Variants in JAZF1 observed in about 807,000 individuals in gnomAD.
JAZF1 encodes the protein JAZF zinc finger 1, also known as juxtaposed with another zinc finger protein 1.
In JAZF1, 8 loss-of-function variants were observed where a neutral mutation model predicts 26.4. That is an observed-to-expected ratio of 0.30 (90% CI 0.18 to 0.55). The LOEUF (loss-of-function observed/expected upper bound fraction) is 0.55. JAZF1 is among the 20% of genes least tolerant of loss of function. The pLI, the probability that JAZF1 is intolerant of heterozygous loss-of-function variation, is 0.94. For synonymous variants in JAZF1, 126 were observed against 122.3 expected (o/e 1.03, Z -0.20); for missense variants, 199 against 322.0 (o/e 0.62, Z 2.92).
intron 2 of JAZF1, among the ~76,000 whole-genome samples, chr7:27,918,235 C>G (rs1426583755): frequency 6.6e-6 from 1 of 152,164 alleles, no homozygotes; most frequent in African/African-American, 2.4e-5. Flanking sequence ...AACTTTTATA[C>G]TGCACTTTAA....
intron 1 of JAZF1, among the ~76,000 whole-genome samples, chr7:28,157,839 A>G (rs1045030598): frequency 9.9e-5 from 15 of 152,166 alleles, no homozygotes; most frequent in African/African-American, 3.6e-4. Context: ...TGAGTTTAGT[A>G]CTGTTCAAAA....
intron 1 of JAZF1, among the ~76,000 whole-genome samples, chr7:28,068,437 A>G (rs922533917): frequency 6.6e-6 from 1 of 152,178 alleles, no homozygotes; most frequent in Admixed American, 6.5e-5. Flanking sequence ...TATCAATTAT[A>G]CCATTCACCT....
intron 2 of JAZF1, among the ~76,000 whole-genome samples, chr7:27,950,064 C>A (rs562392424): frequency 6.6e-6 from 1 of 152,338 alleles, no homozygotes; most frequent in South Asian, 2.1e-4. Flanking sequence ...ACCTTCCACT[C>A]CTCTTTGTGA....
chr7:28,081,557 A>T (rs1237155481), intron 1 of JAZF1, among the ~76,000 whole-genome samples: 2 of 152,182 alleles, frequency 1.3e-5, no homozygotes, highest in Non-Finnish European at 2.9e-5. Flanking sequence ...GGGCTACAGA[A>T]CACAGTGTCC....
At chr7:27,884,662 C>T (rs1783827995) in intron 3 of JAZF1, among the ~76,000 whole-genome samples, 1 of 152,174 alleles carries the variant, frequency 6.6e-6, no homozygotes, top group Non-Finnish European at 1.5e-5. Flanking sequence ...TTTTGAGATT[C>T]ATCCATTTGT....
At chr7:28,063,870 C>T (rs969727405) in intron 1 of JAZF1, among the ~76,000 whole-genome samples, 5 of 152,084 alleles carry the variant, frequency 3.3e-5, no homozygotes, top group Admixed American at 6.5e-5. Context: ...TAAATAGTTT[C>T]CAATCTATAT....
chr7:28,124,221 C>G (rs185965126), intron 1 of JAZF1, among the ~76,000 whole-genome samples: 2 of 152,226 alleles, frequency 1.3e-5, no homozygotes, highest in Non-Finnish European at 2.9e-5. Flanking sequence ...TGTGCATGCA[C>G]AGAGGAAAGA....
chr7:27,925,020 A>T (rs2128348769), intron 2 of JAZF1, among the ~76,000 whole-genome samples: 1 of 152,358 alleles, frequency 6.6e-6, no homozygotes, highest in Admixed American at 6.5e-5. Context: ...CTGCCATCTT[A>T]GGAGGATATA....
At chr7:27,876,901 G>C (rs1433225859) in intron 3 of JAZF1, among the ~76,000 whole-genome samples, 1 of 152,188 alleles carries the variant, frequency 6.6e-6, no homozygotes, top group East Asian at 1.9e-4. Context: ...TTAAAGACTA[G>C]AGGCAGTCTT....
At chr7:28,063,207 T>A (rs555937153) in intron 1 of JAZF1, among the ~76,000 whole-genome samples, 1 of 152,366 alleles carries the variant, frequency 6.6e-6, no homozygotes, top group Admixed American at 6.5e-5. Flanking sequence ...TAACAAATAA[T>A]TTCACAATGC....
chr7:28,128,974 T>C (rs868503187), intron 1 of JAZF1, among the ~76,000 whole-genome samples: 20 of 152,282 alleles, frequency 1.3e-4, no homozygotes, highest in African/African-American at 4.8e-4. Flanking sequence ...AGTTATCCTT[T>C]AGGAAACTTA....
chr7:28,003,048 G>C (rs1313837999), intron 1 of JAZF1, among the ~76,000 whole-genome samples: 5 of 152,056 alleles, frequency 3.3e-5, no homozygotes, highest in African/African-American at 1.2e-4. Flanking sequence ...TAAAGTGAAA[G>C]AAATAAACTT....
chr7:28,102,640 G>A (rs1274928690), intron 1 of JAZF1, among the ~76,000 whole-genome samples: 1 of 151,992 alleles, frequency 6.6e-6, no homozygotes, highest in African/African-American at 2.4e-5. Flanking sequence ...AAGTCTGAAA[G>A]GACATATACT....
At chr7:28,013,915 CA>C (rs1466245006) in intron 1 of JAZF1, among the ~76,000 whole-genome samples, 3 of 152,096 alleles carry the variant, frequency 2.0e-5, no homozygotes, top group African/African-American at 7.2e-5. Context: ...AGACTGCCAT[CA>C]ATATCTAAAT....
At chr7:27,901,955 C>A (rs1456798455) in intron 2 of JAZF1, among the ~76,000 whole-genome samples, 2 of 152,326 alleles carry the variant, frequency 1.3e-5, no homozygotes, top group East Asian at 3.9e-4. Flanking sequence ...CACGGTGCGA[C>A]CTGGTGCGCT....
chr7:27,895,260 G>A lies in JAZF1; in HGVS notation c.345C>T (p.Pro115=). 1.9e-6 allele frequency: 3 copies of A among 1,608,788 alleles called. No homozygotes were observed. The highest frequency in any genetic ancestry group is 2.5e-6 in the Non-Finnish European group (3 of 1,177,692). ...TGCGGAATGAAGAGGAGGGGGTGATGGGTGGGGTCACGGGGGGAGTAAGGC... is the reference window on the plus strand; with the variant it reads ...TGCGGAATGAAGAGGAGGGGGTGATAGGTGGGGTCACGGGGGGAGTAAGGC... ...SGSLTPPVTP[P]ITPSSSFRSS... is the part of the protein sequence containing the mutation. Residue 115 remains proline, a synonymous_variant, in exon 3 of 5, where the codon CCC becomes CCT. Transcript: ENST00000283928.
At chr7:28,110,065 A>C (rs972446088) in intron 1 of JAZF1, among the ~76,000 whole-genome samples, 23 of 152,250 alleles carry the variant, frequency 1.5e-4, no homozygotes, top group African/African-American at 5.3e-4. Context: ...CATTCATTTG[A>C]CTCCTGAAGA....
chr7:28,030,134 T>C (rs990802005), intron 1 of JAZF1, among the ~76,000 whole-genome samples: 8 of 152,168 alleles, frequency 5.3e-5, no homozygotes, highest in Non-Finnish European at 1.0e-4. Context: ...AAGAGCCCTG[T>C]AGGGGCTGGC....
At chr7:28,022,783 T>A (rs3886551) in intron 1 of JAZF1, among the ~76,000 whole-genome samples, 3 of 152,110 alleles carry the variant, frequency 2.0e-5, no homozygotes, top group Non-Finnish European at 4.4e-5. Flanking sequence ...TGTTTTGAGA[T>A]GGAGTCTCTG....
Sources: allele counts gnomAD v4.1 joint callset (sites outside exome capture counted in the v4.1 genomes callset), GRCh38; gene constraint gnomAD v4.1.1; transcripts MANE v1.5; gene names NCBI Gene and HGNC (gene_info 2026-07-23, HGNC 2026-07-21).